SGCZ: variants seen among roughly 807,000 people sequenced by gnomAD.
SGCZ encodes the protein sarcoglycan zeta.
A neutral mutation model predicts 41.3 loss-of-function variants in SGCZ; 40 were observed. The ratio of observed to expected loss-of-function variants is 0.97; its 90% confidence interval spans 0.75 to 1.26. The LOEUF is 1.26. Ranked by LOEUF, SGCZ falls within the 50% of genes most tolerant of loss-of-function variation. The pLI is 0.00. For missense variants in SGCZ, 552 were observed against 369.8 expected (o/e 1.49, Z -4.04); for synonymous variants, 206 against 137.5 (o/e 1.50, Z -3.49).
chr8:14,447,630 C>T (rs1346583747), intron 2 of SGCZ, among the ~76,000 whole-genome samples: 1 of 152,122 alleles, frequency 6.6e-6, no homozygotes, highest in African/African-American at 2.4e-5. Context: ...CACATACATT[C>T]ATTAATTATT....
At chr8:15,175,975 A>T (rs1266654026) in intron 1 of SGCZ, among the ~76,000 whole-genome samples, 1 of 152,204 alleles carries the variant, frequency 6.6e-6, no homozygotes, top group African/African-American at 2.4e-5. Context: ...TTCAGACAGC[A>T]TTAAACACCA....
chr8:14,729,533 A>C (rs995180730), intron 1 of SGCZ, among the ~76,000 whole-genome samples: 2 of 152,168 alleles, frequency 1.3e-5, no homozygotes, highest in Non-Finnish European at 2.9e-5. Flanking sequence ...ATGTGCAGAG[A>C]ATAGGCCATG....
intron 1 of SGCZ, among the ~76,000 whole-genome samples, chr8:14,737,663 G>A (rs548255438): frequency 1.1e-3 from 162 of 150,840 alleles, no homozygotes; most frequent in African/African-American, 3.7e-3. Context: ...GTTTGCAGAC[G>A]GCCATCCTCT....
At chr8:14,677,635 G>T (rs1808317821) in intron 1 of SGCZ, among the ~76,000 whole-genome samples, 1 of 152,086 alleles carries the variant, frequency 6.6e-6, no homozygotes, top group East Asian at 1.9e-4. Context: ...GCCAGGAGGG[G>T]TGGCCTGTGC....
Position 14,633,358 on chromosome 8 carries a change from A to C in SGCZ, c.40-78432T>G, listed in dbSNP as rs114061565. ...TTCAGGGAAGTCACTTGCTGCCCTG[A>C]TGAAATTTAGTTTCCTTTCTCTAAA... On this transcript the variant is annotated intron_variant, in intron 1 of 7. Coordinates refer to ENST00000382080, the MANE Select transcript of SGCZ (RefSeq NM_139167.4). 8.8e-3 allele frequency among the ~76,000 whole-genome samples: 1,336 copies of C among 152,058 alleles called. 19 individuals carry two copies. The highest frequency in any genetic ancestry group is 0.03 in the African/African-American group (1,266 of 41,540).
At chr8:14,682,012 C>G (rs1808463756) in intron 1 of SGCZ, among the ~76,000 whole-genome samples, 2 of 151,880 alleles carry the variant, frequency 1.3e-5, no homozygotes, top group African/African-American at 4.8e-5. Context: ...ATTTGAAGCA[C>G]AGAGAAAAAT....
chr8:14,480,251 T>C (rs1464410787), intron 2 of SGCZ, among the ~76,000 whole-genome samples: 5 of 152,216 alleles, frequency 3.3e-5, no homozygotes, highest in African/African-American at 9.6e-5. Context: ...GTGTAATATA[T>C]TCTAGTACAT....
At chr8:14,119,652 T>C (rs537567138) in intron 5 of SGCZ, among the ~76,000 whole-genome samples, 10 of 152,310 alleles carry the variant, frequency 6.6e-5, no homozygotes, top group African/African-American at 2.4e-4. Flanking sequence ...TTGAAGGGAA[T>C]GCTGCTTTCA....
intron 1 of SGCZ, among the ~76,000 whole-genome samples, chr8:14,849,445 A>G (rs1030446870): frequency 6.6e-6 from 1 of 152,120 alleles, no homozygotes; most frequent in African/African-American, 2.4e-5. Flanking sequence ...AATAGATTCC[A>G]TAGAATGGAA....
chr8:14,378,985 G>A (rs778999257), intron 2 of SGCZ, among the ~76,000 whole-genome samples: 10 of 152,160 alleles, frequency 6.6e-5, no homozygotes, highest in East Asian at 1.9e-4. Flanking sequence ...GCTTTCTTAC[G>A]TAATATAATA....
intron 2 of SGCZ, among the ~76,000 whole-genome samples, chr8:14,545,459 G>A (rs1443871278): frequency 2.0e-5 from 3 of 150,250 alleles, no homozygotes; most frequent in Non-Finnish European, 3.0e-5. Context: ...CCCTTCTTAA[G>A]ATTATTACTT....
chr8:15,043,682 C>A (rs1030514805), intron 1 of SGCZ, among the ~76,000 whole-genome samples: 3 of 151,886 alleles, frequency 2.0e-5, no homozygotes, highest in Non-Finnish European at 4.4e-5. Flanking sequence ...ATTTCTTAAG[C>A]TTTTCATATA....
intron 1 of SGCZ, among the ~76,000 whole-genome samples, chr8:15,074,712 C>T (rs922116873): frequency 6.6e-6 from 1 of 152,090 alleles, no homozygotes; most frequent in Non-Finnish European, 1.5e-5. Flanking sequence ...ATTTCCACAT[C>T]CGGCCTTTTC....
At position 14,330,333 on chromosome 8, in the gene SGCZ, T is replaced by C. The variant is rs1188822638; in HGVS notation, c.235-6129A>G. Among the ~76,000 whole-genome samples the C allele has an allele frequency of 2.6e-5, 4 of 152,056 alleles. No individual in the cohort carries two copies. The East Asian group carries it at 7.7e-4, about 29-fold the overall frequency. ...AATAGAATTTACCTCTTTACTTAAA[T>C]AACAAAAACTCCAAAACTAAATTAA... is the stretch of plus-strand genomic sequence containing the variant. On this transcript the variant is annotated intron_variant, in intron 2 of 7. Transcript: ENST00000382080.
chr8:14,218,971 T>C (rs1470695813), intron 4 of SGCZ, among the ~76,000 whole-genome samples: 1 of 152,216 alleles, frequency 6.6e-6, no homozygotes, highest in Non-Finnish European at 1.5e-5. Flanking sequence ...GAACTCAACG[T>C]TGACCGTTCT....
intron 5 of SGCZ, among the ~76,000 whole-genome samples, 158 bp from the exon 6 acceptor site, chr8:14,108,393 C>T (rs919025865): frequency 6.6e-6 from 1 of 152,118 alleles, no homozygotes; most frequent in Admixed American, 6.5e-5. Flanking sequence ...AAAGACATAT[C>T]CGAGACTGAG....
At chr8:14,884,558 A>G (rs1804719546) in intron 1 of SGCZ, among the ~76,000 whole-genome samples, 1 of 152,078 alleles carries the variant, frequency 6.6e-6, no homozygotes. Flanking sequence ...AAAGTTTCCT[A>G]CAAAGGAGAA....
At chr8:14,225,603 G>T (rs113822275) in intron 4 of SGCZ, among the ~76,000 whole-genome samples, 1 of 151,982 alleles carries the variant, frequency 6.6e-6, no homozygotes, top group Non-Finnish European at 1.5e-5. Context: ...AAAGTCAGAG[G>T]GATAGATTTG....
intron 1 of SGCZ, among the ~76,000 whole-genome samples, chr8:15,009,258 C>T (rs185878392): frequency 6.6e-6 from 1 of 152,378 alleles, no homozygotes; most frequent in African/African-American, 2.4e-5. Context: ...ATTTACATGG[C>T]TTGAGCTGAA....
Sources: allele counts gnomAD v4.1 joint callset (sites outside exome capture counted in the v4.1 genomes callset), GRCh38; gene constraint gnomAD v4.1.1; transcripts MANE v1.5; gene names NCBI Gene and HGNC (gene_info 2026-07-23, HGNC 2026-07-21).